Variants in FOXP4 observed in about 807,000 individuals in gnomAD.
FOXP4 encodes forkhead box protein P4.
A neutral mutation model predicts 82.6 loss-of-function variants in FOXP4; 25 were observed. The ratio of observed to expected loss-of-function variants is 0.30; its 90% CI spans 0.22 to 0.42. FOXP4 has a LOEUF of 0.42. Among genes scored for constraint, FOXP4 ranks in the 10% least tolerant of loss-of-function variants. The pLI, the probability that FOXP4 is intolerant of heterozygous loss-of-function variation, is 1.00. For missense variants in FOXP4, 785 were observed against 900.9 expected (o/e 0.87, Z 1.65); for synonymous variants, 415 against 388.2 (o/e 1.07, Z -0.81).
In FOXP4 at chr6:41,597,226, T is replaced by G; in HGVS notation, c.1709T>G (p.Leu570Arg). ...NMISGLSYGA[L>R]NASYQAALAE... The stretch of plus-strand genomic sequence containing the variant: ...ATCTCTGGCCTCAGCTATGGAGCAC[T>G]TAATGCCAGCTACCAGGTGACCTGC... The change falls in exon 15 of 17, where the codon CTT becomes CGT. Residue 570 changes from leucine (L) to arginine (R), a missense_variant. Coordinates refer to ENST00000307972, the MANE Select transcript of FOXP4 (RefSeq NM_001012426.2). The G allele has an allele frequency of 6.2e-7, 1 of 1,614,172 alleles. No homozygotes were observed. The highest frequency in any genetic ancestry group is 8.5e-7 in the Non-Finnish European group (1 of 1,180,018).
intron 13 of FOXP4, among the ~76,000 whole-genome samples, chr6:41,594,122 G>A (rs886602560): frequency 3.3e-5 from 5 of 152,166 alleles, no homozygotes; most frequent in African/African-American, 7.2e-5. Context: ...CCCCGCCCTC[G>A]CCCAAGCGTC....
At chr6:41,568,348 GGT>G (rs1764998963) in intron 2 of FOXP4, among the ~76,000 whole-genome samples, 1 of 152,178 alleles carries the variant, frequency 6.6e-6, no homozygotes, top group South Asian at 2.1e-4. Context: ...GACAGCCAGA[GGT>G]AGGCACTGAG....
chr6:41,597,902 C>T lies in FOXP4; in HGVS notation c.1847C>T (p.Pro616Leu), dbSNP rs759228462. The T allele has an allele frequency of 4.4e-6, 7 of 1,586,726 alleles. No homozygotes were observed. Among genetic ancestry groups the T allele is most frequent in the Non-Finnish European group, 5.1e-6 (6 of 1,172,508 alleles). Residue 616 changes from proline to leucine, a missense_variant, in exon 16 of 17, where the codon CCC becomes CTC. By Grantham distance (98) the Pro-to-Leu change is moderately conservative. Around this residue, in one of 3 missense-constraint regions of FOXP4, gnomAD observed 184 missense variants for 187.3 expected, o/e 0.98. Transcript: ENST00000307972. ...GTGGGTGCCCCCGTGGAGCCGCTGC[C>T]CAGCAACGGCAGCAGCAGCCCTCCT... ...DDVGAPVEPL[P>L]SNGSSSPPRL...
chr6:41,597,138 G>T, intron 14 of FOXP4, 38 bp from the exon 15 acceptor site: 1 of 1,605,214 alleles, frequency 6.2e-7, no homozygotes, highest in Non-Finnish European at 8.5e-7. Context: ...AGAGCTAAGT[G>T]AATGAGTGAG....
intron 1 of FOXP4, among the ~76,000 whole-genome samples, chr6:41,563,436 C>G (rs1764700761): frequency 6.6e-6 from 1 of 152,188 alleles, no homozygotes; most frequent in African/African-American, 2.4e-5. Context: ...TCCGCAGTTT[C>G]TCATTGTTAC....
At chr6:41,556,268 C>T (rs142113017) in intron 1 of FOXP4, among the ~76,000 whole-genome samples, 13 of 151,356 alleles carry the variant, frequency 8.6e-5, no homozygotes, top group African/African-American at 2.9e-4. Context: ...CGCAAAATTG[C>T]ATGGGGGAGA....
chr6:41,562,075 GCA>G (rs2127340823), intron 1 of FOXP4, among the ~76,000 whole-genome samples: 1 of 152,362 alleles, frequency 6.6e-6, no homozygotes, highest in Non-Finnish European at 1.5e-5. Flanking sequence ...AGTGCAGGGA[GCA>G]CACCGGTGCT....
chr6:41,589,620 G>A lies in FOXP4; in HGVS notation c.1066-151G>A, dbSNP rs943440561. Reference sequence around the variant, plus strand: ...AGCATTGCTGAGGCCTCCCTGGAGCGGGTCACAGAGGGAGCATGGATGCTG... The same window carrying A: ...AGCATTGCTGAGGCCTCCCTGGAGCAGGTCACAGAGGGAGCATGGATGCTG... On this transcript the variant is annotated intron_variant, in intron 9 of 16. Transcript: ENST00000307972. The A allele has an allele frequency of 2.5e-5, 18 of 714,814 alleles. No individual in the cohort carries two copies. The Admixed American group carries it at 3.1e-4, about 12-fold the overall frequency. The allele number at this position is 714,814 out of a possible 1,614,324, so 44.3% of individuals were successfully genotyped here.
At chr6:41,559,603 A>G (rs375037315) in intron 1 of FOXP4, among the ~76,000 whole-genome samples, 3 of 152,230 alleles carry the variant, frequency 2.0e-5, no homozygotes, top group African/African-American at 7.2e-5. Context: ...ATCTAAGGAC[A>G]CTGCTGCACT....
At chr6:41,587,992 C>T (rs1766259429) in intron 8 of FOXP4, 95 bp downstream of exon 8, 2 of 695,080 alleles carry the variant, frequency 2.9e-6, no homozygotes, top group African/African-American at 3.5e-5. Context: ...GGGAGCCCTC[C>T]TCACTAGCTG....
At chr6:41,557,994 G>C (rs184742320) in intron 1 of FOXP4, among the ~76,000 whole-genome samples, 2 of 152,234 alleles carry the variant, frequency 1.3e-5, no homozygotes, top group African/African-American at 4.8e-5. Context: ...CAAGTGTTGT[G>C]CTAAGAAGCC....
At chr6:41,574,966 T>G (rs1484722774) in intron 2 of FOXP4, among the ~76,000 whole-genome samples, 1 of 152,004 alleles carries the variant, frequency 6.6e-6, no homozygotes, top group Non-Finnish European at 1.5e-5. Flanking sequence ...TTGTTTTGTG[T>G]TTTGTTTTGT....
intron 1 of FOXP4, among the ~76,000 whole-genome samples, chr6:41,557,824 A>C (rs1764361709): frequency 6.6e-6 from 1 of 151,718 alleles, no homozygotes; most frequent in African/African-American, 2.4e-5. Context: ...GATGTCTCTT[A>C]CTTTTAGGAT....
intron 4 of FOXP4, 120 bp from the exon 5 acceptor site, chr6:41,585,311 A>C: frequency 9.7e-7 from 1 of 1,025,688 alleles, no homozygotes; most frequent in Non-Finnish European, 1.4e-6. Context: ...TGACTGGGGA[A>C]AGCCAGACCA....
rs1327635312 is a variant in FOXP4, at chr6:41,598,689, C to T, written c.1896-100C>T. The T allele has an allele frequency of 3.3e-6, 5 of 1,511,000 alleles. No individual in the cohort carries two copies. The South Asian group carries it at 4.9e-5, about 15-fold the overall frequency. 93.6% of individuals were successfully genotyped at this position (1,511,000 alleles called of 1,614,324 possible). ...GGGATCCTGGGGAGGGGGCTGTGGG[C>T]ACCCCACTGTGCCCCAGAGTTCTGG... On this transcript the variant is annotated intron_variant, in intron 16 of 16. Coordinates refer to ENST00000307972, the MANE Select transcript of FOXP4 (RefSeq NM_001012426.2).
chr6:41,598,874 G>A lies in FOXP4; in HGVS notation c.1981G>A (p.Ala661Thr), dbSNP rs750671792. ...TCCCCTGGGCGCCCCTAACCCCAGC[G>A]CCTCGGGGCCTCCGGAAGACAGGGA... The part of the protein sequence containing the change: ...GPPLGAPNPS[A>T]SGPPEDRDLE... Residue 661 changes from alanine to threonine, a missense_variant, in exon 17 of 17, where the codon GCC becomes ACC. By Grantham distance (58) the Ala-to-Thr change is moderately conservative. Around this residue, in one of 3 missense-constraint regions of FOXP4, gnomAD observed 184 missense variants for 187.3 expected, o/e 0.98. Coordinates refer to ENST00000307972, the MANE Select transcript of FOXP4 (RefSeq NM_001012426.2). The A allele has an allele frequency of 1.1e-5, 18 of 1,601,352 alleles. No individual in the cohort carries two copies. Among genetic ancestry groups the A allele is most frequent in the South Asian group, 3.4e-5 (3 of 88,278 alleles).
At chr6:41,566,411 G>A (rs141341138) in intron 2 of FOXP4, among the ~76,000 whole-genome samples, 22 of 152,334 alleles carry the variant, frequency 1.4e-4, no homozygotes, top group African/African-American at 4.3e-4. Flanking sequence ...ATCTGCCTCC[G>A]AGTCAGCTTG....
At chr6:41,557,494 T>A (rs1453350115) in intron 1 of FOXP4, among the ~76,000 whole-genome samples, 1 of 152,232 alleles carries the variant, frequency 6.6e-6, no homozygotes, top group Non-Finnish European at 1.5e-5. Context: ...ACAGCCTAGA[T>A]GTCCAACTCT....
At chr6:41,578,974 G>A (rs1765651313) in intron 3 of FOXP4, among the ~76,000 whole-genome samples, 1 of 152,064 alleles carries the variant, frequency 6.6e-6, no homozygotes, top group South Asian at 2.1e-4. Flanking sequence ...TGAGCTGGAG[G>A]TGCTCTGGAG....
Sources: allele counts gnomAD v4.1 joint callset (sites outside exome capture counted in the v4.1 genomes callset), GRCh38; gene constraint gnomAD v4.1.1; regional missense constraint gnomAD v4.1.1; transcripts MANE v1.5; gene names NCBI Gene and HGNC (gene_info 2026-07-23, HGNC 2026-07-21).